Variants in FAT1 observed in about 807,000 individuals in gnomAD.
The protein encoded by FAT1 is FAT atypical cadherin 1.
FAT1 carries 171 observed loss-of-function variants against 329.8 expected under a neutral mutation model. That is an observed-to-expected ratio of 0.52 (90% confidence interval 0.46 to 0.59). The LOEUF is 0.59. Ranked by LOEUF, FAT1 falls within the 20% of genes least tolerant of loss-of-function variation. The pLI, the probability that FAT1 is intolerant of heterozygous loss-of-function variation, is 0.00. For synonymous variants in FAT1, 2,233 were observed against 2,228.6 expected (o/e 1.00, Z -0.06); for missense variants, 5,672 against 5,774.4 (o/e 0.98, Z 0.57).
upstream of FAT1, among the ~76,000 whole-genome samples, chr4:186,725,293 G>A (rs796471196): frequency 6.6e-5 from 10 of 152,162 alleles, 1 homozygote; most frequent in African/African-American, 2.4e-4. This position sits in a 1 kb window ranked among gnomAD's most constrained non-coding sequence, Gnocchi z 5.4. Context: ...CAAACACACC[G>A]GAACTCCAGC....
Position 186,620,591 on chromosome 4 carries a change from C to T in FAT1, c.5995G>A (p.Ala1999Thr), listed in dbSNP as rs1341239896. The change falls in exon 10 of 27, where the codon GCT becomes ACT. Residue 1999 changes from alanine (A) to threonine (T), a missense_variant. This residue lies in a region of FAT1 where 3,966 missense variants were observed against 3,915.2 expected (regional missense o/e 1.01). Transcript: ENST00000441802. Reference sequence around the variant, plus strand: ...GGATTCCCAATAGCAGTAATGACAGCTAATGTTTCGGCCTCGGTGGAATTC... The same window carrying T: ...GGATTCCCAATAGCAGTAATGACAGTTAATGTTTCGGCCTCGGTGGAATTC... ...KENSTEAETL[A>T]VITAIGNPIN... is the part of the protein sequence containing the mutation. 1 of 1,614,046 alleles carries T rather than the reference C, an allele frequency of 6.2e-7. No individual in the cohort carries two copies. The highest frequency in any genetic ancestry group is 1.7e-5 in the Admixed American group (1 of 60,030).
In FAT1 at chr4:186,621,332, G is replaced by A. The variant is rs766849713; in HGVS notation, c.5254C>T (p.Leu1752=). 4 of 1,614,018 alleles carry A rather than the reference G, an allele frequency of 2.5e-6. No homozygotes were observed. The South Asian group carries it at 4.4e-5, about 18-fold the overall frequency. ...TCATTCTCATCCTGCAAGTGAACTA[G>A]AACCGTTGTATTAGTGGACAAACCA... ...MAGLSTNTTV[L]VHLQDENDNA... Residue 1752 remains leucine (L), a synonymous_variant, in exon 10 of 27, where the codon CTA becomes TTA. Transcript: ENST00000441802.
intron 2 of FAT1, among the ~76,000 whole-genome samples, chr4:186,664,821 TGCTGAAGCTCTAGAATCACTGAA>T (rs1450713791): frequency 6.6e-6 from 1 of 152,192 alleles, no homozygotes; most frequent in Non-Finnish European, 1.5e-5. Flanking sequence ...ACTCTGGAAA[TGCTGAAGCTCTAGAATCACTGAA>T]GTTTCCCGTT....
Position 186,589,931 on chromosome 4 carries a change from C to CTATTT in FAT1, c.13139-716_13139-712dup, listed in dbSNP as rs57058847. On this transcript the variant is annotated intron_variant, in intron 26 of 26. Coordinates refer to ENST00000441802, the MANE Select transcript of FAT1 (RefSeq NM_005245.4). ...TGTAGCAAGTTTAATATTAAAATTA[C>CTATTT]TATTTTTCATTAACCCTCAGACAAC... Among the ~76,000 whole-genome samples the CTATTT allele has an allele frequency of 5.9e-3, 896 of 152,228 alleles. 11 individuals carry two copies. Among genetic ancestry groups the CTATTT allele is most frequent in the African/African-American group, 0.02 (839 of 41,526 alleles).
chr4:186,596,638 A>G lies in FAT1; in HGVS notation c.12902T>C (p.Val4301Ala), dbSNP rs1579290508. The G allele has an allele frequency of 6.2e-7, 1 of 1,610,750 alleles. No individual in the cohort carries two copies. Among genetic ancestry groups the G allele is most frequent in the Non-Finnish European group, 8.5e-7 (1 of 1,178,354 alleles). ...AGGCAGGTTTGGCGCCACGCTGCAG[A>G]CCGCCACTGCTTTTCGGTGCCCGTG... ...SVHGHRKAVA[V>A]CSVAPNLPPP... Residue 4301 changes from valine to alanine, a missense_variant, in exon 25 of 27, where the codon GTC (valine) becomes GCC (alanine). Val to Ala is a moderately conservative substitution (Grantham distance 64, BLOSUM62 0). Transcript: ENST00000441802. The surrounding 1 kb of genome is among the most constrained non-coding windows in gnomAD (Gnocchi z 4.7).
chr4:186,638,651 T>A (rs994698753), intron 4 of FAT1, among the ~76,000 whole-genome samples: 1 of 144,438 alleles, frequency 6.9e-6, no homozygotes, highest in East Asian at 2.0e-4. Flanking sequence ...ACACATACAC[T>A]GCACAACTAT....
chr4:186,637,272 G>A (rs1474390420), intron 4 of FAT1, among the ~76,000 whole-genome samples: 2 of 152,168 alleles, frequency 1.3e-5, no homozygotes, highest in African/African-American at 4.8e-5. Flanking sequence ...GAAGAGATAC[G>A]TGAAGATTCT....
chr4:186,679,334 G>A (rs954731845), intron 2 of FAT1, among the ~76,000 whole-genome samples: 14 of 150,708 alleles, frequency 9.3e-5, no homozygotes, highest in African/African-American at 2.4e-4. Flanking sequence ...GGAGAATGGC[G>A]TGAACCTGGG....
intron 1 of FAT1, among the ~76,000 whole-genome samples, chr4:186,710,474 A>G (rs1053425479): frequency 6.6e-6 from 1 of 152,244 alleles, no homozygotes; most frequent in African/African-American, 2.4e-5. Context: ...ATTTCGCTCT[A>G]TGTAACTACT....
Position 186,692,470 on chromosome 4 carries a change from G to A in FAT1, c.3265+14093C>T, listed in dbSNP as rs575490975. Among the ~76,000 whole-genome samples, 326 of 152,010 alleles carry A rather than the reference G, an allele frequency of 2.1e-3. 1 individual carries two copies. Among genetic ancestry groups the A allele is most frequent in the Non-Finnish European group, 3.2e-3 (220 of 67,992 alleles). ...TGGGACTACAGGCGCCCGCCACCAC[G>A]CCCGGCTAATTTTTTGTATTTTTAG... is the stretch of plus-strand genomic sequence containing the variant. On this transcript the variant is annotated intron_variant, in intron 2 of 26. Coordinates refer to ENST00000441802, the MANE Select transcript of FAT1 (RefSeq NM_005245.4).
intron 11 of FAT1, 114 bp from the exon 12 acceptor site, chr4:186,614,458 G>T: frequency 1.5e-6 from 1 of 681,890 alleles, no homozygotes; most frequent in Non-Finnish European, 2.2e-6. Flanking sequence ...CATGGGAAAT[G>T]ACTAAAGATA....
At chr4:186,687,846 G>A (rs778776745) in intron 2 of FAT1, among the ~76,000 whole-genome samples, 3 of 152,042 alleles carry the variant, frequency 2.0e-5, no homozygotes, top group African/African-American at 2.4e-5. Context: ...AAAACTACAC[G>A]TTCAGTAAAT....
In FAT1 at chr4:186,707,288, G is replaced by A. The variant is rs779141697; in HGVS notation, c.2540C>T (p.Thr847Ile). 2 of 1,613,960 alleles carry A rather than the reference G, an allele frequency of 1.2e-6. No homozygotes were observed. Among genetic ancestry groups the A allele is most frequent in the African/African-American group, 1.3e-5 (1 of 75,032 alleles). Reference sequence around the variant, plus strand: ...TCCGTTGGGCCCCAGGTCTTTATCTGTGGCTTCAACCTGGATGATTTCACT... The same window carrying A: ...TCCGTTGGGCCCCAGGTCTTTATCTATGGCTTCAACCTGGATGATTTCACT... ...VHSEIIQVEA[T>I]DKDLGPNGHV... is the part of the protein sequence containing the mutation. The change falls in exon 2 of 27, where the codon ACA becomes ATA. Residue 847 changes from threonine (T) to isoleucine (I), a missense_variant. By Grantham distance (89) the Thr-to-Ile change is moderately conservative (BLOSUM62 -1). This residue lies in a region of FAT1 where 3,966 missense variants were observed against 3,915.2 expected (regional missense o/e 1.01). Transcript: ENST00000441802.
At chr4:186,595,999 C>A (rs996572963) in intron 25 of FAT1, among the ~76,000 whole-genome samples, 173 bp from the exon 26 acceptor site, 1 of 151,886 alleles carries the variant, frequency 6.6e-6, no homozygotes, top group Non-Finnish European at 1.5e-5. Flanking sequence ...AATAAAAAAC[C>A]CCTGCACAGA....
rs372348852 is a variant in FAT1, at chr4:186,596,901, C to T, written c.12639G>A (p.Gln4213=). The change falls in exon 25 of 27, where the codon CAG becomes CAA. Residue 4213 remains glutamine, a synonymous_variant. Coordinates refer to ENST00000441802, the MANE Select transcript of FAT1 (RefSeq NM_005245.4). The surrounding 1 kb of genome is among the most constrained non-coding windows in gnomAD (Gnocchi z 4.7). Reference sequence around the variant, plus strand: ...CCAGGTGCTTGTCTTTAGGTTCAGCCTGATGCTTCTTTTTCCGACTAATCA... The same window carrying T: ...CCAGGTGCTTGTCTTTAGGTTCAGCTTGATGCTTCTTTTTCCGACTAATCA... ...RKMISRKKKH[Q]AEPKDKHLGP... is the part of the protein sequence containing the mutation. 1.9e-6 allele frequency: 3 copies of T among 1,613,870 alleles called. No homozygotes were observed. The highest frequency in any genetic ancestry group is 1.7e-5 in the Admixed American group (1 of 59,992).
At position 186,621,416 on chromosome 4, in the gene FAT1, C is replaced by A. The variant is rs773316890; in HGVS notation, c.5170G>T (p.Ala1724Ser). 1 of 1,613,986 alleles carries A rather than the reference C, an allele frequency of 6.2e-7. No homozygotes were observed. Among genetic ancestry groups the A allele is most frequent in the South Asian group, 1.1e-5 (1 of 91,076 alleles). ...ATGGGCAAAGTTTCAAAGTCCAGGG[C>A]TTTCTGAGTGATGATAGTTCCAGAA... is the stretch of plus-strand genomic sequence containing the variant. Reference protein sequence around the residue: ...PHSGTIITQKALDFETLPIYT... With the variant: ...PHSGTIITQKSLDFETLPIYT... The change falls in exon 10 of 27, where the codon GCC becomes TCC. Residue 1724 changes from alanine (A) to serine (S), a missense_variant. By Grantham distance (99) the Ala-to-Ser change is moderately conservative. Transcript: ENST00000441802.
chr4:186,609,062 G>T, intron 16 of FAT1, 121 bp downstream of exon 16: 1 of 985,892 alleles, frequency 1.0e-6, no homozygotes, highest in South Asian at 1.7e-5. Flanking sequence ...TTTACATGTT[G>T]CCGTCAGTTC....
rs991836190 is a variant in FAT1 at position 186,588,375 on chromosome 4, A to G, written c.*217T>C. 1.8e-6 allele frequency: 1 copy of G among 551,008 alleles called. No individual in the cohort carries two copies. The highest frequency in any genetic ancestry group is 2.9e-5 in the East Asian group (1 of 34,510). 34.1% of individuals were successfully genotyped at this position (551,008 alleles called of 1,614,324 possible). On this transcript the variant is annotated 3_prime_UTR_variant, in exon 27 of 27. Transcript: ENST00000441802. The stretch of plus-strand genomic sequence containing the variant: ...TTAACACAGACAGATGTAAATCCCA[A>G]AAGACGTTGGGAAATGGCACAGCCG...
chr4:186,695,149 A>G (rs1386514066), intron 2 of FAT1, among the ~76,000 whole-genome samples: 1 of 152,228 alleles, frequency 6.6e-6, no homozygotes. Context: ...ACTAATCTGA[A>G]CGTTTTTTAG....
Sources: gnomAD v4.1 joint callset for allele counts (sites outside exome capture counted in the v4.1 genomes callset) on GRCh38, gnomAD v4.1.1 for gene constraint, gnomAD v4.1.1 regional missense constraint, Gnocchi (gnomAD v3.1) non-coding constraint, MANE v1.5 for transcripts, NCBI Gene and HGNC (gene_info 2026-07-23, HGNC 2026-07-21) for gene names.